ENTREP2: variants seen among roughly 807,000 people sequenced by gnomAD.
ENTREP2 encodes the protein endosomal transmembrane epsin interactor 2, also known as protein ENTREP2.
chr15:29,661,861 A>T, the ENTREP2 span, among the ~76,000 whole-genome samples: 1 of 152,220 alleles, frequency 6.6e-6, no homozygotes. Flanking sequence ...ATTAACCTTT[A>T]AAACACCCAT....
At chr15:29,569,182 A>G in the ENTREP2 span, among the ~76,000 whole-genome samples, 1 of 152,258 alleles carries the variant, frequency 6.6e-6, no homozygotes, top group East Asian at 1.9e-4. Context: ...CTTTTCTTTG[A>G]ATACTCCCAG....
chr15:29,296,262 G>A, the ENTREP2 span, among the ~76,000 whole-genome samples: 1 of 152,032 alleles, frequency 6.6e-6, no homozygotes, highest in African/African-American at 2.4e-5. Flanking sequence ...ATGGTGGCTT[G>A]GATGAGGGGG....
chr15:29,627,580 T>C, the ENTREP2 span, among the ~76,000 whole-genome samples: 1 of 150,760 alleles, frequency 6.6e-6, no homozygotes, highest in Non-Finnish European at 1.5e-5. Flanking sequence ...CCATTACCAG[T>C]ATCCATCTCC....
the ENTREP2 span, among the ~76,000 whole-genome samples, chr15:29,446,996 T>C: frequency 6.6e-6 from 1 of 152,194 alleles, no homozygotes; most frequent in Non-Finnish European, 1.5e-5. Context: ...ACCAGCAATC[T>C]TAATTCCATC....
the ENTREP2 span, among the ~76,000 whole-genome samples, chr15:29,219,616 T>TTC: frequency 4.9e-4 from 5 of 10,124 alleles, no homozygotes; most frequent in African/African-American, 1.6e-3. Context: ...GGTGCATAAA[T>TTC]ATATATATAT....
the ENTREP2 span, among the ~76,000 whole-genome samples, chr15:29,388,490 G>T: frequency 6.6e-6 from 1 of 152,176 alleles, no homozygotes; most frequent in African/African-American, 2.4e-5. Flanking sequence ...AGGACGTAGA[G>T]AAATAGGAAC....
chr15:29,140,762 C>A, the ENTREP2 span, among the ~76,000 whole-genome samples: 1 of 152,180 alleles, frequency 6.6e-6, no homozygotes, highest in African/African-American at 2.4e-5. Context: ...ATGTTGACTG[C>A]CAGGTATAAA....
the ENTREP2 span, chr15:29,267,733 A>G: frequency 2.6e-5 from 4 of 152,248 alleles, no homozygotes; most frequent in Non-Finnish European, 5.9e-5. Context: ...AAGAAAAGTT[A>G]TATTTAAAAA....
the ENTREP2 span, chr15:29,120,604 G>C: frequency 6.6e-6 from 1 of 152,262 alleles, no homozygotes; most frequent in Non-Finnish European, 1.5e-5. Context: ...CCCCAGGCTG[G>C]GGTCAACGGT....
the ENTREP2 span, among the ~76,000 whole-genome samples, chr15:29,393,491 T>C: frequency 4.6e-5 from 7 of 152,186 alleles, no homozygotes; most frequent in Non-Finnish European, 8.8e-5. Context: ...CCTGTCATTG[T>C]GACTCCAGCC....
At chr15:29,231,264 TCTTACACAGCATCTCTA>T in the ENTREP2 span, among the ~76,000 whole-genome samples, 2 of 152,122 alleles carry the variant, frequency 1.3e-5, no homozygotes, top group Non-Finnish European at 2.9e-5. Flanking sequence ...AGTACTAACC[TCTTACACAGCATCTCTA>T]CTTACATGAT....
chr15:29,421,415 C>T, the ENTREP2 span, among the ~76,000 whole-genome samples: 1 of 152,172 alleles, frequency 6.6e-6, no homozygotes, highest in Non-Finnish European at 1.5e-5. Context: ...ATGATATCTA[C>T]AACCAATTAA....
chr15:29,411,909 T>G, the ENTREP2 span, among the ~76,000 whole-genome samples: 1 of 152,230 alleles, frequency 6.6e-6, no homozygotes, highest in Admixed American at 6.5e-5. Context: ...TCATATATGC[T>G]TCAGGCTCTA....
At chr15:29,422,200 G>A in the ENTREP2 span, among the ~76,000 whole-genome samples, 2 of 152,036 alleles carry the variant, frequency 1.3e-5, no homozygotes, top group Non-Finnish European at 2.9e-5. Context: ...AACCCAGGAA[G>A]CAGAGGTTGC....
the ENTREP2 span, among the ~76,000 whole-genome samples, chr15:29,547,736 T>C: frequency 6.6e-6 from 1 of 152,214 alleles, no homozygotes; most frequent in Non-Finnish European, 1.5e-5. Context: ...ATTCCACCTC[T>C]GGATATATAT....
At chr15:29,560,411 G>A in the ENTREP2 span, among the ~76,000 whole-genome samples, 1 of 152,180 alleles carries the variant, frequency 6.6e-6, no homozygotes, top group Non-Finnish European at 1.5e-5. Flanking sequence ...TGACAGAAGT[G>A]TCCAGTGGGG....
the ENTREP2 span, among the ~76,000 whole-genome samples, chr15:29,261,952 A>G: frequency 1.3e-5 from 2 of 151,342 alleles, no homozygotes; most frequent in African/African-American, 4.9e-5. Context: ...AGTAAACCCA[A>G]GGAAAGTAAA....
the ENTREP2 span, among the ~76,000 whole-genome samples, chr15:29,158,951 A>G: frequency 6.6e-6 from 1 of 152,200 alleles, no homozygotes; most frequent in Admixed American, 6.5e-5. Flanking sequence ...GATATTAATA[A>G]TAAGATTAAC....
chr15:29,343,585 T>TC, the ENTREP2 span, among the ~76,000 whole-genome samples: 9 of 147,282 alleles, frequency 6.1e-5, no homozygotes, highest in Non-Finnish European at 1.3e-4. Flanking sequence ...TCTCTCTCTC[T>TC]TTCTCTCTCT....
Sources: allele counts gnomAD v4.1 joint callset (sites outside exome capture counted in the v4.1 genomes callset), GRCh38; gene constraint gnomAD v4.1.1; transcripts MANE v1.5; gene names NCBI Gene and HGNC (gene_info 2026-07-23, HGNC 2026-07-21).